NSD1: variants seen among roughly 807,000 people sequenced by gnomAD.
NSD1 encodes histone-lysine N-methyltransferase, H3 lysine-36 specific.
In NSD1, 26 loss-of-function variants were observed where a neutral mutation model predicts 242.7. The ratio of observed to expected loss-of-function variants is 0.11; its 90% CI spans 0.08 to 0.15. The LOEUF is 0.15. Among genes scored for constraint, NSD1 ranks in the 10% least tolerant of loss-of-function variants. The pLI is 1.00. For missense variants in NSD1, 2,495 were observed against 3,272.8 expected, an observed-to-expected ratio of 0.76 and a Z score of 5.80; for synonymous variants, 1,106 against 1,178.1, an observed-to-expected ratio of 0.94 and a Z score of 1.25.
chr5:177,290,214 A>T (rs1759708290), intron 21 of NSD1, among the ~76,000 whole-genome samples: 2 of 146,992 alleles, frequency 1.4e-5, no homozygotes, highest in African/African-American at 5.1e-5. Context: ...ATACTAGATG[A>T]ACATCTGGAT....
In NSD1 at chr5:177,298,811, A is replaced by G. The variant is rs781780112; in HGVS notation, c.*3352A>G. 2 of 233,076 alleles carry G rather than the reference A, an allele frequency of 8.6e-6. No individual in the cohort carries two copies. Among genetic ancestry groups the G allele is most frequent in the Non-Finnish European group, 1.7e-5 (2 of 117,990 alleles). 14.4% of individuals were successfully genotyped at this position (233,076 alleles called of 1,614,324 possible). ...AGTCCTGACAGATTCCCCCATAGGG[A>G]GTAATGAGGACAGCATGAAACTTGG... On this transcript the variant is annotated 3_prime_UTR_variant, in exon 23 of 23. Coordinates refer to ENST00000439151, the MANE Select transcript of NSD1 (RefSeq NM_022455.5).
chr5:177,229,866 C>G (rs567926954), intron 5 of NSD1: 1 of 236,032 alleles, frequency 4.2e-6, no homozygotes, highest in Non-Finnish European at 8.6e-6. Context: ...GTCTCACCCT[C>G]CTGAGTAGCT....
chr5:177,138,818 T>C (rs1756566575), intron 2 of NSD1, among the ~76,000 whole-genome samples: 1 of 150,686 alleles, frequency 6.6e-6, no homozygotes, highest in Non-Finnish European at 1.5e-5. Flanking sequence ...TTTGTATTTT[T>C]AGTAGAGATG....
At chr5:177,244,354 T>C in intron 9 of NSD1, 84 bp downstream of exon 9, 1 of 984,738 alleles carries the variant, frequency 1.0e-6, no homozygotes, top group Non-Finnish European at 1.6e-6. Context: ...TTGTTACATG[T>C]GTAAGCCCGA....
At chr5:177,271,475 A>G (rs545585577) in intron 16 of NSD1, among the ~76,000 whole-genome samples, 1 of 152,356 alleles carries the variant, frequency 6.6e-6, no homozygotes, top group East Asian at 1.9e-4. Flanking sequence ...CTCGCCTAAC[A>G]TATCAGTACC....
intron 5 of NSD1, among the ~76,000 whole-genome samples, chr5:177,226,239 G>A (rs578168699): frequency 7.2e-5 from 11 of 152,062 alleles, no homozygotes; most frequent in African/African-American, 2.4e-4. Flanking sequence ...TAGAGGTGAG[G>A]TTTCAGGTTG....
chr5:177,295,602 A>G lies in NSD1; in HGVS notation c.*143A>G. 1.1e-6 allele frequency: 1 copy of G among 888,316 alleles called. No homozygotes were observed. The highest frequency in any genetic ancestry group is 1.8e-6 in the Non-Finnish European group (1 of 553,754). 55.0% of individuals were successfully genotyped at this position (888,316 alleles called of 1,614,324 possible). On this transcript the variant is annotated 3_prime_UTR_variant, in exon 23 of 23. Coordinates refer to ENST00000439151, the MANE Select transcript of NSD1 (RefSeq NM_022455.5). The surrounding 1 kb of genome is among the most constrained non-coding windows in gnomAD (Gnocchi z 4.3). ...TGTTATTCTTTCCTCATATCCCAAC[A>G]CTCAGAACTCTTGTGACATTAGCCA...
Position 177,296,352 on chromosome 5 carries a change from T to G in NSD1, c.*893T>G, listed in dbSNP as rs1295046197. ...TTTGGCAAGCTTCTCTTTCTTTGCT[T>G]TTGTTTCTACCTATTTTTCTCTTTG... On this transcript the variant is annotated 3_prime_UTR_variant, in exon 23 of 23. Coordinates refer to ENST00000439151, the MANE Select transcript of NSD1 (RefSeq NM_022455.5). 1 of 233,264 alleles carries G rather than the reference T, an allele frequency of 4.3e-6. No homozygotes were observed. Among genetic ancestry groups the G allele is most frequent in the Non-Finnish European group, 8.5e-6 (1 of 118,162 alleles). 14.4% of individuals were successfully genotyped at this position (233,264 alleles called of 1,614,324 possible). A position where few individuals can be genotyped will look rare whatever the true frequency, so the allele number is the denominator to read the frequency against.
intron 2 of NSD1, among the ~76,000 whole-genome samples, chr5:177,158,302 T>TTTC (rs772116761): frequency 9.5e-4 from 118 of 124,122 alleles, no homozygotes; most frequent in Admixed American, 4.9e-4. Flanking sequence ...TCTTTCTTTC[T>TTTC]TTTCTTTCTT....
chr5:177,266,555 C>T (rs905136465), intron 14 of NSD1: 5 of 702,242 alleles, frequency 7.1e-6, no homozygotes, highest in African/African-American at 5.4e-5. Flanking sequence ...CAGGACACCT[C>T]CATGATGCAG....
At chr5:177,132,405 C>T (rs1452816429), upstream of NSD1, among the ~76,000 whole-genome samples, 3 of 151,404 alleles carry the variant, frequency 2.0e-5, no homozygotes, top group African/African-American at 7.3e-5. The surrounding 1 kb of genome is among the most constrained non-coding windows in gnomAD (Gnocchi z 7.5). Context: ...CCCACGCCGG[C>T]CGGCGCCCGC....
At chr5:177,275,644 A>G (rs990829678) in intron 17 of NSD1, among the ~76,000 whole-genome samples, 2 of 151,854 alleles carry the variant, frequency 1.3e-5, no homozygotes, top group African/African-American at 4.8e-5. Flanking sequence ...CATGTTAGCC[A>G]GGATGGTCTC....
At chr5:177,279,382 C>A (rs1758656341) in intron 17 of NSD1, among the ~76,000 whole-genome samples, 1 of 152,040 alleles carries the variant, frequency 6.6e-6, no homozygotes, top group South Asian at 2.1e-4. Flanking sequence ...CCTATAGTCC[C>A]AGCTACCTGG....
chr5:177,227,734 C>A (rs757810377), intron 5 of NSD1, among the ~76,000 whole-genome samples: 25 of 152,216 alleles, frequency 1.6e-4, no homozygotes, highest in Admixed American at 9.2e-4. Context: ...AGCCATACAC[C>A]CGGCCTAAAT....
chr5:177,196,500 G>C (rs1288046910), intron 3 of NSD1, among the ~76,000 whole-genome samples: 1 of 152,186 alleles, frequency 6.6e-6, no homozygotes, highest in Non-Finnish European at 1.5e-5. Flanking sequence ...AATGTTGACT[G>C]AGGGAGAATG....
At chr5:177,228,476 C>G (rs1764807687) in intron 5 of NSD1, among the ~76,000 whole-genome samples, 1 of 151,862 alleles carries the variant, frequency 6.6e-6, no homozygotes, top group South Asian at 2.1e-4. Context: ...CTCGACCTCC[C>G]AAAGTGCTGG....
At chr5:177,280,327 T>C (rs1581526642) in intron 17 of NSD1, among the ~76,000 whole-genome samples, 1 of 152,066 alleles carries the variant, frequency 6.6e-6, no homozygotes, top group East Asian at 1.9e-4. Flanking sequence ...CAGGCTGGAG[T>C]GCAGTGGTGA....
intron 14 of NSD1, among the ~76,000 whole-genome samples, chr5:177,262,059 A>G (rs913159737): frequency 1.3e-5 from 2 of 152,178 alleles, no homozygotes; most frequent in Non-Finnish European, 2.9e-5. Flanking sequence ...TCTATTCCCT[A>G]TCACACAGTC....
chr5:177,145,965 T>A (rs900423932), intron 2 of NSD1, among the ~76,000 whole-genome samples: 2 of 151,064 alleles, frequency 1.3e-5, no homozygotes, highest in Non-Finnish European at 2.9e-5. Context: ...GACTTATGCC[T>A]GTAATCCCAG....
Sources: allele counts gnomAD v4.1 joint callset (sites outside exome capture counted in the v4.1 genomes callset), GRCh38; gene constraint gnomAD v4.1.1; non-coding constraint Gnocchi (gnomAD v3.1); transcripts MANE v1.5; gene names NCBI Gene and HGNC (gene_info 2026-07-23, HGNC 2026-07-21).